TDRD7: variants seen among roughly 807,000 people sequenced by gnomAD.
TDRD7 encodes the protein tudor domain-containing protein 7.
TDRD7 carries 47 observed loss-of-function variants against 109.8 expected under a neutral mutation model. The ratio of observed to expected loss-of-function variants is 0.43; its 90% CI spans 0.34 to 0.55. TDRD7 has a LOEUF of 0.55. Ranked by LOEUF, TDRD7 falls within the 20% of genes least tolerant of loss-of-function variation. The pLI, the probability that TDRD7 is intolerant of heterozygous loss-of-function variation, is 0.03. For missense variants in TDRD7, 1,164 were observed against 1,319.2 expected, an observed-to-expected ratio of 0.88 and a Z score of 1.82; for synonymous variants, 424 against 457.3, an observed-to-expected ratio of 0.93 and a Z score of 0.93.
intron 6 of TDRD7, among the ~76,000 whole-genome samples, chr9:97,443,233 C>T (rs1384278961): frequency 2.0e-5 from 3 of 152,036 alleles, no homozygotes; most frequent in Non-Finnish European, 4.4e-5. Context: ...CTAATTTTTG[C>T]CTTAGGTGTT....
At chr9:97,434,031 G>A (rs1434276631) in intron 4 of TDRD7, among the ~76,000 whole-genome samples, 3 of 152,162 alleles carry the variant, frequency 2.0e-5, no homozygotes, top group Non-Finnish European at 4.4e-5. Context: ...TATGAAATCC[G>A]TATATCAGTT....
intron 6 of TDRD7, among the ~76,000 whole-genome samples, chr9:97,456,117 A>G (rs1828603554): frequency 6.6e-6 from 1 of 152,178 alleles, no homozygotes; most frequent in South Asian, 2.1e-4. Flanking sequence ...CAGCTAACAA[A>G]GGACATGAAG....
At chr9:97,438,484 A>G (rs893945013) in intron 4 of TDRD7, among the ~76,000 whole-genome samples, 8 of 152,120 alleles carry the variant, frequency 5.3e-5, no homozygotes, top group African/African-American at 1.9e-4. Flanking sequence ...TACAATATTC[A>G]TTTGCCTTGC....
In TDRD7 at chr9:97,483,366, A is replaced by C. The variant is rs749168570; in HGVS notation, c.2915+15A>C. 6.2e-7 allele frequency: 1 copy of C among 1,612,324 alleles called. No homozygotes were observed. Among genetic ancestry groups the C allele is most frequent in the African/African-American group, 1.3e-5 (1 of 75,058 alleles). On this transcript the variant is annotated intron_variant, in intron 15 of 16. Coordinates refer to ENST00000355295, the MANE Select transcript of TDRD7 (RefSeq NM_014290.3). Reference sequence around the variant, plus strand: ...GTGGAAAATAAGTAGGTCCTTGGACAAAGCATTTTATTCTACTCCTAAGAA... The same window carrying C: ...GTGGAAAATAAGTAGGTCCTTGGACCAAGCATTTTATTCTACTCCTAAGAA...
rs1424526622 is a variant in TDRD7 at position 97,458,506 on chromosome 9, G to A, written c.856-1672G>A. On this transcript the variant is annotated intron_variant, in intron 6 of 16. Coordinates refer to ENST00000355295, the MANE Select transcript of TDRD7 (RefSeq NM_014290.3). ...GATGAGGAATGCTCCAACTATTTGT[G>A]TCCCTATGGCTTAAAATGAGGGACA... Among the ~76,000 whole-genome samples, 6 of 152,110 alleles carry A rather than the reference G, an allele frequency of 3.9e-5. No individual in the cohort carries two copies. The East Asian group carries it at 9.6e-4, about 24-fold the overall frequency.
chr9:97,477,174 G>A (rs1829036963), intron 12 of TDRD7, among the ~76,000 whole-genome samples: 2 of 152,084 alleles, frequency 1.3e-5, no homozygotes, highest in Admixed American at 1.3e-4. Context: ...AGCACAAAGA[G>A]GTCTCATTGG....
intron 6 of TDRD7, among the ~76,000 whole-genome samples, chr9:97,448,182 G>A (rs968389086): frequency 6.6e-6 from 1 of 152,314 alleles, no homozygotes; most frequent in African/African-American, 2.4e-5. Flanking sequence ...AGAATTGACT[G>A]AAAAACTGTA....
chr9:97,466,415 A>C (rs939981571), intron 8 of TDRD7, among the ~76,000 whole-genome samples: 3 of 150,008 alleles, frequency 2.0e-5, no homozygotes, highest in Non-Finnish European at 4.4e-5. Context: ...AAAATCTGAA[A>C]ATTGGAAAAT....
intron 6 of TDRD7, among the ~76,000 whole-genome samples, chr9:97,447,604 G>A (rs946610995): frequency 6.6e-5 from 10 of 152,158 alleles, no homozygotes; most frequent in Non-Finnish European, 1.0e-4. Flanking sequence ...AAGAGCAGTG[G>A]AGGAAATGAA....
In TDRD7 at chr9:97,470,656, A is replaced by G. The variant is rs1828895366; in HGVS notation, c.1728A>G (p.Lys576=). The change falls in exon 9 of 17, where the codon AAA becomes AAG. Residue 576 remains lysine (K), a synonymous_variant. Coordinates refer to ENST00000355295, the MANE Select transcript of TDRD7 (RefSeq NM_014290.3). ...GTTCACTCTCATTTCAAGCTACAAA[A>G]TGTAAGCTTGCAGGTAAGAGGAACT... ...KFCSLSFQAT[K]CKLAGLEVLS... 6.2e-7 allele frequency: 1 copy of G among 1,613,542 alleles called. No homozygotes were observed. The highest frequency in any genetic ancestry group is 8.5e-7 in the Non-Finnish European group (1 of 1,179,734).
chr9:97,466,204 C>G (rs1262055512), intron 8 of TDRD7, among the ~76,000 whole-genome samples: 2 of 152,126 alleles, frequency 1.3e-5, no homozygotes, highest in African/African-American at 4.8e-5. Context: ...GCCACTGAAC[C>G]CTAGCTACAA....
At chr9:97,417,120 TCC>T (rs372723078) in intron 1 of TDRD7, among the ~76,000 whole-genome samples, 17 of 152,128 alleles carry the variant, frequency 1.1e-4, no homozygotes, top group African/African-American at 4.1e-4. Context: ...AGTCAATATG[TCC>T]CAGGTAGAGA....
At chr9:97,474,149 A>G (rs1828969806) in intron 11 of TDRD7, among the ~76,000 whole-genome samples, 1 of 152,190 alleles carries the variant, frequency 6.6e-6, no homozygotes, top group Non-Finnish European at 1.5e-5. Flanking sequence ...TTCAAATTGT[A>G]TTAATAAGCT....
rs1829153415 is a variant in TDRD7, at chr9:97,483,229, T to G, written c.2793T>G (p.Pro931=). 1 of 1,613,378 alleles carries G rather than the reference T, an allele frequency of 6.2e-7. No individual in the cohort carries two copies. The highest frequency in any genetic ancestry group is 1.3e-5 in the African/African-American group (1 of 74,884). Residue 931 remains proline (P), a synonymous_variant, in exon 15 of 17, where the codon CCT becomes CCG. Coordinates refer to ENST00000355295, the MANE Select transcript of TDRD7 (RefSeq NM_014290.3). Reference sequence around the variant, plus strand: ...ACCCAGGCTACTTCGTCATCCAGCCTTGGCAGGAGATACATAAGTTGGAAG... The same window carrying G: ...ACCCAGGCTACTTCGTCATCCAGCCGTGGCAGGAGATACATAAGTTGGAAG... ...ACHPGYFVIQ[P]WQEIHKLEVL...
chr9:97,464,708 C>A, intron 7 of TDRD7, 134 bp from the exon 8 acceptor site: 1 of 861,426 alleles, frequency 1.2e-6, no homozygotes, highest in South Asian at 1.4e-5. Flanking sequence ...ACGTTCTCCT[C>A]CCTGTTGATA....
rs372336114 is a variant in TDRD7, at chr9:97,430,343, C to G, written c.208-590C>G. 3.3e-5 allele frequency among the ~76,000 whole-genome samples: 5 copies of G among 152,292 alleles called. 1 individual carries two copies. The highest frequency in any genetic ancestry group is 7.2e-5 in the African/African-American group (3 of 41,560). ...GAGGCCTCTCCATAGAACTCTATGG[C>G]TCCCATGAACACAGTTTGAAAACAC... On this transcript the variant is annotated intron_variant, in intron 2 of 16. Transcript: ENST00000355295.
chr9:97,470,488 A>T lies in TDRD7; in HGVS notation c.1630-70A>T, dbSNP rs954804905. 22 of 1,393,560 alleles carry T rather than the reference A, an allele frequency of 1.6e-5. No individual in the cohort carries two copies. The African/African-American group carries it at 2.4e-4, about 15-fold the overall frequency. 86.3% of individuals were successfully genotyped at this position (1,393,560 alleles called of 1,614,324 possible). A position where few individuals can be genotyped will look rare whatever the true frequency, so the allele number is the denominator to read the frequency against. Reference sequence around the variant, plus strand: ...CTGATCATGGAATAAGATTGAGCCAATTAAGTGTATCAAATGAATTTTTTA... The same window carrying T: ...CTGATCATGGAATAAGATTGAGCCATTTAAGTGTATCAAATGAATTTTTTA... On this transcript the variant is annotated intron_variant, in intron 8 of 16. Coordinates refer to ENST00000355295, the MANE Select transcript of TDRD7 (RefSeq NM_014290.3).
chr9:97,428,481 C>G lies in TDRD7; in HGVS notation c.16C>G (p.Leu6Val), dbSNP rs1828041787. 1.9e-6 allele frequency: 3 copies of G among 1,613,950 alleles called. No individual in the cohort carries two copies. Among genetic ancestry groups the G allele is most frequent in the African/African-American group, 1.3e-5 (1 of 75,040 alleles). The change falls in exon 2 of 17, where the codon CTG becomes GTG. Residue 6 changes from leucine to valine, a missense_variant. By Grantham distance (32) the Leu-to-Val change is conservative. This residue lies in a region of TDRD7 where 101 missense variants were observed against 148.5 expected (regional missense o/e 0.68). Transcript: ENST00000355295. Reference protein sequence around the residue: MLEGDLVSKMLRAVLQ... With the variant: MLEGDVVSKMLRAVLQ... ...ATAGGCAAAGATGCTGGAAGGAGAT[C>G]TGGTTTCAAAGATGCTACGAGCTGT...
Position 97,468,948 on chromosome 9 carries a change from G to A in TDRD7, c.1630-1610G>A, listed in dbSNP as rs574678152. Among the ~76,000 whole-genome samples, 5 of 152,340 alleles carry A rather than the reference G, an allele frequency of 3.3e-5. No individual in the cohort carries two copies. In the South Asian group the frequency reaches 8.3e-4, roughly 25 times the overall value. Reference sequence around the variant, plus strand: ...CACACTGGCCAATGCATGGACAAGTGTTTTATAAACTGCAGTTGCCATACA... The same window carrying A: ...CACACTGGCCAATGCATGGACAAGTATTTTATAAACTGCAGTTGCCATACA... On this transcript the variant is annotated intron_variant, in intron 8 of 16. Transcript: ENST00000355295.
Sources: gnomAD v4.1 joint callset for allele counts (sites outside exome capture counted in the v4.1 genomes callset) on GRCh38, gnomAD v4.1.1 for gene constraint, gnomAD v4.1.1 regional missense constraint, MANE v1.5 for transcripts, NCBI Gene and HGNC (gene_info 2026-07-23, HGNC 2026-07-21) for gene names.